SLC17A8: variants seen among roughly 807,000 people sequenced by gnomAD.
The protein encoded by SLC17A8 is vesicular glutamate transporter 3.
SLC17A8 carries 31 observed loss-of-function variants against 58.0 expected under a neutral mutation model. That is an observed-to-expected ratio of 0.53 (90% CI 0.40 to 0.72). The LOEUF (loss-of-function observed/expected upper bound fraction) is 0.72. SLC17A8 is among the 30% of genes least tolerant of loss of function. The pLI is 0.00. For missense variants in SLC17A8, 655 were observed against 727.8 expected, an observed-to-expected ratio of 0.90 and a Z score of 1.15; for synonymous variants, 228 against 249.0, an observed-to-expected ratio of 0.92 and a Z score of 0.79.
intron 5 of SLC17A8, among the ~76,000 whole-genome samples, chr12:100,400,503 G>A (rs74783468): frequency 0.053 from 8,080 of 151,950 alleles, 289 homozygotes; most frequent in South Asian, 0.086. Flanking sequence ...TGACTTCCTC[G>A]GGTGTCATGA....
chr12:100,367,926 A>G (rs1952531704), intron 1 of SLC17A8, among the ~76,000 whole-genome samples: 1 of 152,194 alleles, frequency 6.6e-6, no homozygotes. Flanking sequence ...ATGACTAGAA[A>G]TTAGTACAGA....
intron 1 of SLC17A8, among the ~76,000 whole-genome samples, chr12:100,377,377 G>A (rs1161773599): frequency 6.6e-6 from 1 of 151,802 alleles, no homozygotes; most frequent in Non-Finnish European, 1.5e-5. Context: ...ACAATCCTAA[G>A]AACAACCCTA....
chr12:100,379,435 CA>C (rs150305704), intron 1 of SLC17A8, among the ~76,000 whole-genome samples: 66 of 136,534 alleles, frequency 4.8e-4, no homozygotes, highest in Non-Finnish European at 6.5e-4. Flanking sequence ...ATTCCGTCCC[CA>C]AAAAAAAAAA....
intron 4 of SLC17A8, among the ~76,000 whole-genome samples, chr12:100,394,562 C>T (rs996008315): frequency 6.6e-5 from 10 of 150,660 alleles, no homozygotes; most frequent in Admixed American, 4.6e-4. Flanking sequence ...TTACCACACC[C>T]GGCTAATTTT....
chr12:100,369,775 G>A (rs1952546291), intron 1 of SLC17A8, among the ~76,000 whole-genome samples: 1 of 152,206 alleles, frequency 6.6e-6, no homozygotes, highest in Non-Finnish European at 1.5e-5. Flanking sequence ...AATGATGGTT[G>A]TCTGCTACAT....
Position 100,405,124 on chromosome 12 carries a change from G to A in SLC17A8, c.1186+954G>A, listed in dbSNP as rs115436462. On this transcript the variant is annotated intron_variant, in intron 9 of 11. Transcript: ENST00000323346. ...GCATGATCTGATCCCATAGCATTTCGGGAAGAAAGCCTAAGAGTCTGTTGG... is the reference window on the plus strand; with the variant it reads ...GCATGATCTGATCCCATAGCATTTCAGGAAGAAAGCCTAAGAGTCTGTTGG... 6.0e-3 allele frequency among the ~76,000 whole-genome samples: 915 copies of A among 152,314 alleles called. 9 individuals are homozygous for A. Among genetic ancestry groups the A allele is most frequent in the African/African-American group, 0.021 (871 of 41,554 alleles).
chr12:100,417,314 C>A (rs1356676095), intron 10 of SLC17A8, among the ~76,000 whole-genome samples: 1 of 152,180 alleles, frequency 6.6e-6, no homozygotes, highest in African/African-American at 2.4e-5. Flanking sequence ...TGATATTTGC[C>A]AAGGGCTTCA....
intron 2 of SLC17A8, among the ~76,000 whole-genome samples, chr12:100,381,800 A>C (rs1952639843): frequency 6.6e-6 from 1 of 152,236 alleles, no homozygotes; most frequent in Admixed American, 6.5e-5. Context: ...TGACATAGAA[A>C]CATATGGGCT....
At chr12:100,418,286 T>C in intron 11 of SLC17A8, 130 bp downstream of exon 11, 1 of 1,138,870 alleles carries the variant, frequency 8.8e-7, no homozygotes, top group Non-Finnish European at 1.3e-6. Flanking sequence ...TCAGCTGAAC[T>C]TCTTTTTTTT....
intron 1 of SLC17A8, among the ~76,000 whole-genome samples, chr12:100,367,924 A>G (rs536005358): frequency 6.6e-6 from 1 of 152,296 alleles, no homozygotes; most frequent in African/African-American, 2.4e-5. Flanking sequence ...TAATGACTAG[A>G]AATTAGTACA....
chr12:100,360,546 C>G (rs1952477937), intron 1 of SLC17A8, among the ~76,000 whole-genome samples: 1 of 152,142 alleles, frequency 6.6e-6, no homozygotes, highest in Non-Finnish European at 1.5e-5. Context: ...GCCATACTGC[C>G]TCCTTGGCCT....
intron 2 of SLC17A8, among the ~76,000 whole-genome samples, chr12:100,390,542 G>T (rs1020412946): frequency 7.9e-5 from 12 of 151,704 alleles, no homozygotes; most frequent in Middle Eastern, 3.4e-3. Context: ...TAGAGATGGG[G>T]TTTCACCGTG....
At chr12:100,410,851 A>G (rs929633705) in intron 9 of SLC17A8, among the ~76,000 whole-genome samples, 2 of 152,308 alleles carry the variant, frequency 1.3e-5, no homozygotes, top group African/African-American at 2.4e-5. Context: ...AAGTTTCTGC[A>G]TCGGACTTCT....
intron 1 of SLC17A8, among the ~76,000 whole-genome samples, chr12:100,359,783 T>G (rs1014906067): frequency 6.6e-6 from 1 of 152,210 alleles, no homozygotes; most frequent in African/African-American, 2.4e-5. Context: ...TAAATGACCC[T>G]GCCCAGAGCC....
chr12:100,408,735 T>G (rs1000052437), intron 9 of SLC17A8, among the ~76,000 whole-genome samples: 4 of 152,228 alleles, frequency 2.6e-5, no homozygotes, highest in African/African-American at 9.6e-5. Context: ...TTGGGGGAAT[T>G]GACTTTCTGC....
At chr12:100,373,972 A>G (rs1224260455) in intron 1 of SLC17A8, among the ~76,000 whole-genome samples, 2 of 152,198 alleles carry the variant, frequency 1.3e-5, no homozygotes, top group Admixed American at 1.3e-4. Context: ...TAACAGAGGA[A>G]TGTATAAAAT....
chr12:100,414,791 AGCC>A, intron 10 of SLC17A8, among the ~76,000 whole-genome samples: 1 of 152,236 alleles, frequency 6.6e-6, no homozygotes, highest in South Asian at 2.1e-4. Context: ...TACACACACC[AGCC>A]CAGTGCCTCT....
At chr12:100,392,919 T>A (rs866404878) in intron 3 of SLC17A8, among the ~76,000 whole-genome samples, 1 of 152,008 alleles carries the variant, frequency 6.6e-6, no homozygotes, top group East Asian at 1.9e-4. Flanking sequence ...GGATGGTAGG[T>A]CTCTAGCAAG....
chr12:100,412,894 TG>T lies in SLC17A8; in HGVS notation c.1297+17del. On this transcript the variant is annotated intron_variant, in intron 10 of 11. Coordinates refer to ENST00000323346, the MANE Select transcript of SLC17A8 (RefSeq NM_139319.3). ...TCGCTATTTCAGGTAATGTGTCCTT[TG>T]GGTTTCCAGATCTTGACTATAGATT... 6.3e-7 allele frequency: 1 copy of T among 1,588,286 alleles called. No individual in the cohort carries two copies. Among genetic ancestry groups the T allele is most frequent in the Non-Finnish European group, 8.6e-7 (1 of 1,156,442 alleles).
Sources: gnomAD v4.1 joint callset for allele counts (sites outside exome capture counted in the v4.1 genomes callset) on GRCh38, gnomAD v4.1.1 for gene constraint, MANE v1.5 for transcripts, NCBI Gene and HGNC (gene_info 2026-07-23, HGNC 2026-07-21) for gene names.